Variants in SELENOF observed in about 807,000 individuals in gnomAD.
The protein encoded by SELENOF is selenoprotein F.
A neutral mutation model predicts 20.5 loss-of-function variants in SELENOF; 16 were observed. That is an observed-to-expected ratio of 0.78 (90% CI 0.53 to 1.19). The LOEUF is 1.19. SELENOF is among the 50% of genes most tolerant of loss of function. SELENOF has a pLI of 0.00. For synonymous variants in SELENOF, 78 were observed against 74.5 expected (o/e 1.05, Z -0.24); for missense variants, 215 against 194.2 (o/e 1.11, Z -0.64).
chr1:86,900,141 C>T (rs1204961174), intron 2 of SELENOF, among the ~76,000 whole-genome samples: 18 of 150,072 alleles, frequency 1.2e-4, no homozygotes, highest in African/African-American at 4.2e-4. Context: ...ACATCCCAGA[C>T]GATGGGCGGC....
At chr1:86,914,403 T>C (rs2102143434), upstream of SELENOF, 1 of 469,122 alleles carries the variant, frequency 2.1e-6, no homozygotes, top group South Asian at 2.4e-5. Flanking sequence ...CCTTCGCCAG[T>C]TTTAGCCCCG....
At chr1:86,892,748 C>A (rs1006142529) in intron 2 of SELENOF, among the ~76,000 whole-genome samples, 1 of 152,056 alleles carries the variant, frequency 6.6e-6, no homozygotes, top group Non-Finnish European at 1.5e-5. Context: ...TTAAATAAAG[C>A]CCAATTTGGG....
At chr1:86,894,231 C>T (rs115797085) in intron 2 of SELENOF, among the ~76,000 whole-genome samples, 1,677 of 148,982 alleles carry the variant, frequency 0.011, 18 homozygotes, top group Middle Eastern at 0.021. Context: ...TTTTCTTAAG[C>T]CTTTGAAATC....
intron 2 of SELENOF, among the ~76,000 whole-genome samples, chr1:86,898,776 GTTTT>G (rs201495558): frequency 0.026 from 3,793 of 145,772 alleles, 89 homozygotes; most frequent in African/African-American, 0.056. Context: ...TTGTTTGTTT[GTTTT>G]TTTTAATTTT....
intron 2 of SELENOF, 127 bp from the exon 3 acceptor site, chr1:86,880,852 C>G (rs1439925768): frequency 1.8e-6 from 1 of 560,728 alleles, no homozygotes; most frequent in Non-Finnish European, 2.9e-6. Flanking sequence ...AATGTCAAAG[C>G]TGGTTAGCCA....
At chr1:86,896,531 G>A (rs1354979328) in intron 2 of SELENOF, among the ~76,000 whole-genome samples, 1 of 152,124 alleles carries the variant, frequency 6.6e-6, no homozygotes, top group African/African-American at 2.4e-5. Flanking sequence ...ATATTTATAT[G>A]TATCCCAAGA....
intron 2 of SELENOF, among the ~76,000 whole-genome samples, chr1:86,882,923 C>T (rs1162413637): frequency 6.7e-6 from 1 of 150,036 alleles, no homozygotes; most frequent in African/African-American, 2.4e-5. Context: ...GTCAGGAGTT[C>T]GAGACCAGCC....
At chr1:86,888,672 TA>T (rs1659294699) in intron 2 of SELENOF, among the ~76,000 whole-genome samples, 2 of 152,250 alleles carry the variant, frequency 1.3e-5, no homozygotes, top group African/African-American at 2.4e-5. Flanking sequence ...AACATATATA[TA>T]TTTTTTTGAG....
intron 3 of SELENOF, among the ~76,000 whole-genome samples, chr1:86,878,187 A>G (rs187138300): frequency 1.4e-4 from 22 of 152,308 alleles, no homozygotes; most frequent in Non-Finnish European, 2.9e-4. Context: ...TTTTTACACA[A>G]CTGTGAGTGG....
chr1:86,890,642 G>A (rs1659356853), intron 2 of SELENOF, among the ~76,000 whole-genome samples: 1 of 151,060 alleles, frequency 6.6e-6, no homozygotes, highest in Non-Finnish European at 1.5e-5. Flanking sequence ...ACAGGTGTGT[G>A]TCATCACACC....
chr1:86,897,057 G>C (rs536922819), intron 2 of SELENOF, among the ~76,000 whole-genome samples: 1 of 152,144 alleles, frequency 6.6e-6, no homozygotes, highest in Non-Finnish European at 1.5e-5. Flanking sequence ...TGTAATTCTA[G>C]CACTTTGGGA....
intron 2 of SELENOF, among the ~76,000 whole-genome samples, chr1:86,884,085 G>A (rs1015967091): frequency 5.3e-5 from 8 of 152,140 alleles, no homozygotes; most frequent in Admixed American, 5.2e-4. Context: ...GACAGGAAAT[G>A]TCTTAATTTC....
At chr1:86,897,168 G>A (rs895190342) in intron 2 of SELENOF, among the ~76,000 whole-genome samples, 2 of 151,956 alleles carry the variant, frequency 1.3e-5, no homozygotes, top group African/African-American at 4.8e-5. Flanking sequence ...TTAGCTGGGC[G>A]TGGTGGCGGG....
intron 2 of SELENOF, among the ~76,000 whole-genome samples, chr1:86,891,932 G>GTT (rs111839796): frequency 1.4e-5 from 2 of 146,436 alleles, no homozygotes; most frequent in African/African-American, 2.5e-5. Context: ...TTATTATTTA[G>GTT]TTTTTTTTTT....
At chr1:86,893,288 G>C (rs185248853) in intron 2 of SELENOF, among the ~76,000 whole-genome samples, 3 of 152,126 alleles carry the variant, frequency 2.0e-5, no homozygotes, top group Non-Finnish European at 2.9e-5. Flanking sequence ...CAATCACAAA[G>C]TCAGTAAGAA....
chr1:86,899,643 A>AC (rs1204175741), intron 2 of SELENOF, among the ~76,000 whole-genome samples: 23 of 122,674 alleles, frequency 1.9e-4, no homozygotes, highest in Non-Finnish European at 2.7e-4. Flanking sequence ...CGGGGGGCTG[A>AC]CCCCCCCATC....
intron 2 of SELENOF, chr1:86,887,250 C>T: frequency 1.3e-6 from 2 of 1,517,472 alleles, no homozygotes; most frequent in South Asian, 2.6e-5. Flanking sequence ...ACAAAGCTGG[C>T]AAATATAATT....
At chr1:86,886,163 T>C (rs1328710739) in intron 2 of SELENOF, among the ~76,000 whole-genome samples, 1 of 152,130 alleles carries the variant, frequency 6.6e-6, no homozygotes, top group African/African-American at 2.4e-5. Context: ...CCTGGAAATA[T>C]TTTGAACATT....
chr1:86,906,280 C>G (rs1051542911), intron 1 of SELENOF, among the ~76,000 whole-genome samples: 3 of 152,196 alleles, frequency 2.0e-5, no homozygotes, highest in Admixed American at 6.5e-5. Flanking sequence ...GTAAAGTGAT[C>G]TGCCTCATTT....
Sources: allele counts gnomAD v4.1 joint callset (sites outside exome capture counted in the v4.1 genomes callset), GRCh38; gene constraint gnomAD v4.1.1; transcripts MANE v1.5; gene names NCBI Gene and HGNC (gene_info 2026-07-23, HGNC 2026-07-21).